Variants in RGSL1 observed in about 807,000 individuals in gnomAD.
RGSL1 encodes the protein regulator of G protein signaling like 1, also known as regulator of G protein signaling protein-like.
In RGSL1, 97 loss-of-function variants were observed where a neutral mutation model predicts 124.7. The observed-to-expected ratio is 0.78, with a 90% CI of 0.66 to 0.92. The LOEUF (loss-of-function observed/expected upper bound fraction) is 0.92. Among genes scored for constraint, RGSL1 ranks in the 40% least tolerant of loss-of-function variants. RGSL1 has a pLI of 0.00. For missense variants in RGSL1, 1,233 were observed against 1,288.4 expected (o/e 0.96, Z 0.66); for synonymous variants, 424 against 438.1 (o/e 0.97, Z 0.40).
chr1:182,509,380 T>C (rs1465518681), intron 9 of RGSL1, among the ~76,000 whole-genome samples: 1 of 15,690 alleles, frequency 6.4e-5, no homozygotes, highest in Non-Finnish European at 1.9e-4. Flanking sequence ...CACTTCCCAG[T>C]AGGGGCGGCC....
chr1:182,472,487 C>A lies in RGSL1; in HGVS notation c.393C>A (p.Leu131=), dbSNP rs761511742. The A allele has an allele frequency of 6.6e-5, 103 of 1,550,952 alleles. No individual in the cohort carries two copies. The highest frequency in any genetic ancestry group is 8.5e-5 in the Non-Finnish European group (98 of 1,146,542). Residue 131 remains leucine, a synonymous_variant, in exon 5 of 22, where the codon CTC becomes CTA. Coordinates refer to ENST00000294854, the MANE Select transcript of RGSL1 (RefSeq NM_001137669.2). Reference sequence around the variant, plus strand: ...AAGTGAGAGACTACTACCTGTCCCTCCTCCTCATGCTGAGGGCCACTCATC... The same window carrying A: ...AAGTGAGAGACTACTACCTGTCCCTACTCCTCATGCTGAGGGCCACTCATC... ...DLEVRDYYLS[L]LLMLRATHLQ...
rs147202845 is a variant in RGSL1 at position 182,547,287 on chromosome 1, G to A, written c.2670-1030G>A. 3.5e-4 allele frequency among the ~76,000 whole-genome samples: 53 copies of A among 152,316 alleles called. 2 individuals are homozygous for A. The highest frequency in any genetic ancestry group is 1.2e-3 in the African/African-American group (49 of 41,568). On this transcript the variant is annotated intron_variant, in intron 15 of 21. Transcript: ENST00000294854. ...AGGAAGTGTATTTAGACAACAGTAA[G>A]TCCTCAGGTATGGTTTCTTGGGAGA...
intron 20 of RGSL1, 53 bp downstream of exon 20, chr1:182,554,746 C>T: frequency 3.3e-5 from 49 of 1,504,490 alleles, no homozygotes; most frequent in Non-Finnish European, 4.4e-5. Context: ...TATGTCCAAG[C>T]ATGCAATAGG....
intron 2 of RGSL1, 140 bp from the exon 3 acceptor site, chr1:182,458,179 G>A (rs959426315): frequency 3.9e-5 from 24 of 622,528 alleles, no homozygotes; most frequent in African/African-American, 1.1e-4. Flanking sequence ...AGTTGATGGA[G>A]TAGAATAAAT....
chr1:182,546,537 G>T (rs1418620159), intron 15 of RGSL1, among the ~76,000 whole-genome samples: 25 of 152,088 alleles, frequency 1.6e-4, no homozygotes, highest in Admixed American at 9.8e-4. Context: ...GGGACTACAG[G>T]CACATGCCAC....
rs1179128036 is a variant in RGSL1, at chr1:182,554,622, T to G, written c.3131-5T>G. ...GATGCAATTTTTCTCTGTATTTCTC[T>G]TTAGCTTCATCAAGCAAACTTACTC... On this transcript the variant is annotated splice_region_variant and splice_polypyrimidine_tract_variant and intron_variant, in intron 19 of 21. Transcript: ENST00000294854. 6.4e-7 allele frequency: 1 copy of G among 1,551,506 alleles called. No homozygotes were observed. Among genetic ancestry groups the G allele is most frequent in the Non-Finnish European group, 8.7e-7 (1 of 1,146,918 alleles).
chr1:182,455,639 G>T (rs1288277015), intron 2 of RGSL1, among the ~76,000 whole-genome samples: 1 of 152,016 alleles, frequency 6.6e-6, no homozygotes, highest in Non-Finnish European at 1.5e-5. Context: ...GGAGTGAATA[G>T]CAAGAAAAAC....
At position 182,534,531 on chromosome 1, in the gene RGSL1, A is replaced by G. The variant is rs930511817; in HGVS notation, c.2494+1740A>G. ...TTCACAATAAAATATTTTGGCTTCA[A>G]TAATAGTTCTAGCAGGCTGGGCACG... is the stretch of plus-strand genomic sequence containing the variant. On this transcript the variant is annotated intron_variant, in intron 14 of 21. Transcript: ENST00000294854. 2.6e-5 allele frequency among the ~76,000 whole-genome samples: 4 copies of G among 152,314 alleles called. No homozygotes were observed. In the East Asian group the frequency reaches 7.7e-4, roughly 29 times the overall value.
At chr1:182,520,258 G>C (rs944604132) in intron 9 of RGSL1, among the ~76,000 whole-genome samples, 1 of 152,086 alleles carries the variant, frequency 6.6e-6, no homozygotes, top group African/African-American at 2.4e-5. Flanking sequence ...TTCCCTTCAT[G>C]ATGAACTATT....
chr1:182,505,104 T>A (rs1571594078), intron 9 of RGSL1, among the ~76,000 whole-genome samples: 2 of 152,334 alleles, frequency 1.3e-5, no homozygotes, highest in South Asian at 4.1e-4. Context: ...TCCCAACTGT[T>A]GTCCCTAGGC....
chr1:182,503,928 C>T (rs1471795981), intron 9 of RGSL1, among the ~76,000 whole-genome samples: 2 of 150,670 alleles, frequency 1.3e-5, no homozygotes, highest in Non-Finnish European at 3.0e-5. Flanking sequence ...ACAAAGTTAT[C>T]ATGCTTTTCA....
intron 4 of RGSL1, among the ~76,000 whole-genome samples, chr1:182,463,109 C>T (rs368468583): frequency 1.3e-4 from 20 of 151,896 alleles, no homozygotes; most frequent in East Asian, 1.9e-4. Context: ...CTGGCTAACA[C>T]GGTGAAACCC....
intron 9 of RGSL1, among the ~76,000 whole-genome samples, chr1:182,508,817 G>A (rs1391725433): frequency 8.1e-6 from 1 of 123,096 alleles, no homozygotes; most frequent in Non-Finnish European, 1.7e-5. Flanking sequence ...GGTTTTCCTA[G>A]GCAGAGGACC....
chr1:182,493,050 T>C lies in RGSL1; in HGVS notation c.1746T>C (p.Leu582=), dbSNP rs1018474448. ...TDITKMSFEE[L]CYKNPKMAIQ... Reference sequence around the variant, plus strand: ...TAACTAAAATGTCCTTTGAGGAGCTTTGCTACAAGAACCCAAAGATGGCCA... The same window carrying C: ...TAACTAAAATGTCCTTTGAGGAGCTCTGCTACAAGAACCCAAAGATGGCCA... The change falls in exon 9 of 22, where the codon CTT becomes CTC. Residue 582 remains leucine (L), a synonymous_variant. Transcript: ENST00000294854. 5.2e-6 allele frequency: 8 copies of C among 1,551,670 alleles called. No individual in the cohort carries two copies. Among genetic ancestry groups the C allele is most frequent in the Non-Finnish European group, 7.0e-6 (8 of 1,146,836 alleles).
At chr1:182,509,340 C>G (rs1438106552) in intron 9 of RGSL1, among the ~76,000 whole-genome samples, 1 of 32,212 alleles carries the variant, frequency 3.1e-5, no homozygotes. Context: ...CCCTCCCGGA[C>G]GGGGCGGCTG....
intron 15 of RGSL1, among the ~76,000 whole-genome samples, chr1:182,545,064 C>G (rs2102311708): frequency 6.6e-6 from 1 of 152,154 alleles, no homozygotes; most frequent in South Asian, 2.1e-4. Context: ...TTGAACTCCT[C>G]TCTTCCTTTC....
intron 9 of RGSL1, among the ~76,000 whole-genome samples, chr1:182,503,974 C>CTTTTTTTTTTTTTT (rs71124902): frequency 3.4e-5 from 4 of 118,238 alleles, no homozygotes; most frequent in Non-Finnish European, 5.1e-5. Flanking sequence ...TTTGTAATTT[C>CTTTTTTTTTTTTTT]TTTTTTTTTT....
intron 8 of RGSL1, 171 bp from the exon 9 acceptor site, chr1:182,492,851 A>G (rs1655633205): frequency 1.7e-6 from 1 of 597,138 alleles, no homozygotes. Flanking sequence ...GGATGGTCTC[A>G]ATCTCCTGAC....
chr1:182,520,878 A>G (rs976012016), intron 9 of RGSL1, among the ~76,000 whole-genome samples: 1 of 152,178 alleles, frequency 6.6e-6, no homozygotes, highest in Non-Finnish European at 1.5e-5. Flanking sequence ...TCTATTTAAA[A>G]ACCATTTTAA....
Sources: allele counts gnomAD v4.1 joint callset (sites outside exome capture counted in the v4.1 genomes callset), GRCh38; gene constraint gnomAD v4.1.1; transcripts MANE v1.5; gene names NCBI Gene and HGNC (gene_info 2026-07-23, HGNC 2026-07-21).